SLC3A1: variants seen among roughly 807,000 people sequenced by gnomAD.
SLC3A1 encodes amino acid transporter heavy chain SLC3A1.
A neutral mutation model predicts 60.3 loss-of-function variants in SLC3A1; 78 were observed. The observed-to-expected ratio is 1.29, with a 90% CI of 1.08 to 1.56. SLC3A1 has a LOEUF of 1.56. Ranked by LOEUF, SLC3A1 falls within the 40% of genes most tolerant of loss-of-function variation. SLC3A1 has a pLI of 0.00. For synonymous variants in SLC3A1, 392 were observed against 307.9 expected (o/e 1.27, Z -2.86); for missense variants, 1,172 against 858.9 (o/e 1.36, Z -4.56).
chr2:44,291,819 A>G (rs943306012), intron 4 of SLC3A1, among the ~76,000 whole-genome samples: 128 of 152,220 alleles, frequency 8.4e-4, no homozygotes, highest in African/African-American at 3.0e-3. Context: ...CTTTATCTGC[A>G]CAGTGGGAAG....
At chr2:44,306,138 T>G (rs559570311) in intron 7 of SLC3A1, among the ~76,000 whole-genome samples, 31 of 152,250 alleles carry the variant, frequency 2.0e-4, no homozygotes, top group African/African-American at 2.4e-4. Flanking sequence ...GCCTTATATA[T>G]AGAGAGAGAG....
At chr2:44,293,691 G>T (rs1251556916) in intron 4 of SLC3A1, among the ~76,000 whole-genome samples, 1 of 152,278 alleles carries the variant, frequency 6.6e-6, no homozygotes, top group South Asian at 2.1e-4. Context: ...TAGCTGGAGC[G>T]AATTGCTCAC....
chr2:44,275,802 C>A lies in SLC3A1; in HGVS notation c.267C>A (p.Leu89=), dbSNP rs1671329391. Reference sequence around the variant, plus strand: ...GCTACCGCATACCTCGGGAGATCCTCTTCTGGCTCACAGTGGCTTCTGTGC... The same window carrying A: ...GCTACCGCATACCTCGGGAGATCCTATTCTGGCTCACAGTGGCTTCTGTGC... The part of the protein sequence containing the change: ...QARYRIPREI[L]FWLTVASVLV... Residue 89 remains leucine, a synonymous_variant, in exon 1 of 10, where the codon CTC becomes CTA. Coordinates refer to ENST00000260649, the MANE Select transcript of SLC3A1 (RefSeq NM_000341.4). The A allele has an allele frequency of 6.2e-7, 1 of 1,614,280 alleles. No individual in the cohort carries two copies. Among genetic ancestry groups the A allele is most frequent in the African/African-American group, 1.3e-5 (1 of 75,076 alleles).
rs371223439 is a variant in SLC3A1, at chr2:44,321,275, A to AT, written c.*646dup. The AT allele has an allele frequency of 5.0e-3, 5,411 of 1,075,840 alleles. 1 individual carries two copies. Among genetic ancestry groups the AT allele is most frequent in the African/African-American group, 6.4e-3 (394 of 61,406 alleles). The allele number at this position is 1,075,840 out of a possible 1,614,324, so 66.6% of individuals were successfully genotyped here. ...ATAACTTAAAAGTCTCAAGTTATTA[A>AT]TTTTTTTTTTGCTAACTCAATTGGA... is the stretch of plus-strand genomic sequence containing the variant. On this transcript the variant is annotated 3_prime_UTR_variant, in exon 10 of 10. Coordinates refer to ENST00000260649, the MANE Select transcript of SLC3A1 (RefSeq NM_000341.4).
At chr2:44,295,224 C>T (rs1425983897) in intron 4 of SLC3A1, among the ~76,000 whole-genome samples, 1 of 152,176 alleles carries the variant, frequency 6.6e-6, no homozygotes, top group African/African-American at 2.4e-5. Context: ...TCTTTTCACT[C>T]AGAGCAGCGA....
rs141073768 is a variant in SLC3A1 at position 44,285,856 on chromosome 2, T to C, written c.766-176T>C. On this transcript the variant is annotated intron_variant, in intron 3 of 9. Transcript: ENST00000260649. ...CGTTGCAACCATGTTTGTGAGGCATTAGGCCAATGGGGTGGGGGGTATTTG... is the reference window on the plus strand; with the variant it reads ...CGTTGCAACCATGTTTGTGAGGCATCAGGCCAATGGGGTGGGGGGTATTTG... The C allele has an allele frequency of 6.1e-4, 477 of 784,258 alleles. 3 individuals are homozygous for C. In the East Asian group the frequency reaches 9.5e-3, roughly 16 times the overall value. The allele number at this position is 784,258 out of a possible 1,614,324, so 48.6% of individuals were successfully genotyped here.
rs183448436 is a variant in SLC3A1, at chr2:44,312,280, G to C, written c.1333-306G>C. Among the ~76,000 whole-genome samples, 474 of 152,202 alleles carry C rather than the reference G, an allele frequency of 3.1e-3. 2 individuals are homozygous for C. Among genetic ancestry groups the C allele is most frequent in the African/African-American group, 0.011 (459 of 41,524 alleles). On this transcript the variant is annotated intron_variant, in intron 7 of 9. Coordinates refer to ENST00000260649, the MANE Select transcript of SLC3A1 (RefSeq NM_000341.4). ...TTGTCTTGCTCTCTGCCACAGTTTTGCTTCCTTTCCTGTCAATATTCTCTT... is the reference window on the plus strand; with the variant it reads ...TTGTCTTGCTCTCTGCCACAGTTTTCCTTCCTTTCCTGTCAATATTCTCTT...
intron 7 of SLC3A1, among the ~76,000 whole-genome samples, chr2:44,306,660 TCTC>T (rs549550072): frequency 2.7e-4 from 41 of 151,140 alleles, no homozygotes; most frequent in African/African-American, 9.7e-4. Context: ...TTCAAGTAAT[TCTC>T]CTGCCTCAGC....
In SLC3A1 at chr2:44,275,829, G is replaced by A; in HGVS notation, c.294G>A (p.Leu98=). The A allele has an allele frequency of 1.2e-6, 2 of 1,614,232 alleles. No homozygotes were observed. The highest frequency in any genetic ancestry group is 1.7e-6 in the Non-Finnish European group (2 of 1,180,046). The stretch of plus-strand genomic sequence containing the variant: ...TCTGGCTCACAGTGGCTTCTGTGCT[G>A]GTGCTCATCGCGGCCACCATAGCCA... ...ILFWLTVASV[L]VLIAATIAII... is the part of the protein sequence containing the mutation. The change falls in exon 1 of 10, where the codon CTG becomes CTA. Residue 98 remains leucine, a synonymous_variant. Transcript: ENST00000260649.
intron 8 of SLC3A1, among the ~76,000 whole-genome samples, chr2:44,313,046 A>C (rs187925251): frequency 1.3e-5 from 2 of 152,208 alleles, no homozygotes; most frequent in Admixed American, 1.3e-4. Context: ...TGCCAGGAAT[A>C]CTGTGTTGAG....
At chr2:44,276,640 C>T (rs187542327) in intron 1 of SLC3A1, among the ~76,000 whole-genome samples, 5 of 151,536 alleles carry the variant, frequency 3.3e-5, no homozygotes, top group East Asian at 1.9e-4. Context: ...GTGGGAGGAT[C>T]GCTTGAGCCC....
At chr2:44,286,924 C>T (rs1202970814) in intron 4 of SLC3A1, among the ~76,000 whole-genome samples, 2 of 152,152 alleles carry the variant, frequency 1.3e-5, no homozygotes, top group Non-Finnish European at 2.9e-5. Context: ...AAATGGGCTT[C>T]TTGATGGTTA....
At chr2:44,313,231 C>T (rs1000593642) in intron 8 of SLC3A1, among the ~76,000 whole-genome samples, 3 of 152,062 alleles carry the variant, frequency 2.0e-5, no homozygotes, top group Admixed American at 2.0e-4. Flanking sequence ...CAGTGCACAG[C>T]CTCAGAGTTA....
At chr2:44,305,430 T>C (rs961705142) in intron 7 of SLC3A1, among the ~76,000 whole-genome samples, 4 of 16,746 alleles carry the variant, frequency 2.4e-4, no homozygotes, top group Admixed American at 9.6e-4. Context: ...TTTCTTACTT[T>C]TTTTTTTTTT....
intron 4 of SLC3A1, among the ~76,000 whole-genome samples, chr2:44,296,335 G>A (rs1182814953): frequency 6.6e-6 from 1 of 152,186 alleles, no homozygotes; most frequent in African/African-American, 2.4e-5. Flanking sequence ...CTAGGACTGT[G>A]TCTGTTGTAT....
At position 44,312,743 on chromosome 2, in the gene SLC3A1, G is replaced by A. The variant is rs1310238644; in HGVS notation, c.1490G>A (p.Ser497Asn). 1.2e-6 allele frequency: 2 copies of A among 1,609,812 alleles called. No individual in the cohort carries two copies. The highest frequency in any genetic ancestry group is 3.3e-5 in the Admixed American group (2 of 59,856). The change falls in exon 8 of 10, where the codon AGC becomes AAC. Residue 497 changes from serine to asparagine, a missense_variant. Ser to Asn is a conservative substitution (Grantham distance 46, BLOSUM62 1). Coordinates refer to ENST00000260649, the MANE Select transcript of SLC3A1 (RefSeq NM_000341.4). ...GNIVAANLNESYDINTLRSKS... is the reference protein window; with the variant it reads ...GNIVAANLNENYDINTLRSKS... ...ATTGTAGCCGCAAATCTCAATGAAA[G>A]CTATGATATTGTAAGTTGAATACAA... is the stretch of plus-strand genomic sequence containing the variant.
At chr2:44,281,003 T>TTCCA (rs1671484701) in intron 2 of SLC3A1, 108 bp downstream of exon 2, 1 of 942,244 alleles carries the variant, frequency 1.1e-6, no homozygotes, top group African/African-American at 1.9e-5. Flanking sequence ...TACTATTTCT[T>TTCCA]TCCCTCCCTC....
chr2:44,291,359 C>G (rs1428135395), intron 4 of SLC3A1, among the ~76,000 whole-genome samples: 2 of 152,116 alleles, frequency 1.3e-5, no homozygotes, highest in Non-Finnish European at 2.9e-5. Flanking sequence ...AAAAATGTGC[C>G]AGCCAATACA....
At chr2:44,285,995 T>C (rs777721136) in intron 3 of SLC3A1, 37 bp from the exon 4 acceptor site, 2 of 1,613,312 alleles carry the variant, frequency 1.2e-6, no homozygotes, top group Admixed American at 1.7e-5. Context: ...GCAATACCAT[T>C]ATAGGTCACT....
Sources: gnomAD v4.1 joint callset for allele counts (sites outside exome capture counted in the v4.1 genomes callset) on GRCh38, gnomAD v4.1.1 for gene constraint, MANE v1.5 for transcripts, NCBI Gene and HGNC (gene_info 2026-07-23, HGNC 2026-07-21) for gene names.